Variants in CDH13 observed in about 807,000 individuals in gnomAD.
CDH13 encodes the protein cadherin 13.
A neutral mutation model predicts 63.8 loss-of-function variants in CDH13; 24 were observed. The observed-to-expected ratio is 0.38, with a 90% confidence interval of 0.27 to 0.53. CDH13 has a LOEUF of 0.53. Ranked by LOEUF, CDH13 falls within the 20% of genes least tolerant of loss-of-function variation. CDH13 has a pLI of 0.85. For missense variants in CDH13, 1,049 were observed against 903.1 expected (o/e 1.16, Z -2.07); for synonymous variants, 503 against 355.3 (o/e 1.42, Z -4.67).
At chr16:83,513,205 C>T (rs1202096543) in intron 7 of CDH13, among the ~76,000 whole-genome samples, 1 of 152,062 alleles carries the variant, frequency 6.6e-6, no homozygotes, top group Non-Finnish European at 1.5e-5. Context: ...AGCTTCAAAG[C>T]ATCAAACAAA....
At chr16:83,449,523 C>A (rs1010252601) in intron 6 of CDH13, among the ~76,000 whole-genome samples, 3 of 152,182 alleles carry the variant, frequency 2.0e-5, no homozygotes, top group African/African-American at 4.8e-5. Context: ...CAAATTAATT[C>A]TCTCTTTTAG....
At chr16:83,773,720 G>A (rs545050097) in intron 11 of CDH13, among the ~76,000 whole-genome samples, 1 of 152,214 alleles carries the variant, frequency 6.6e-6, no homozygotes, top group South Asian at 2.1e-4. Flanking sequence ...GGCCCTCTTG[G>A]TCAAGCCTAT....
rs866346393 is a variant in CDH13, at chr16:83,505,549, T to G, written c.960+18894T>G. On this transcript the variant is annotated intron_variant, in intron 7 of 13. Transcript: ENST00000567109. The stretch of plus-strand genomic sequence containing the variant: ...ATTAATCCTTTTTTTTTTTTTTTTT[T>G]TTTTTTTTTTGAGAAGGAGTTTTTG... Among the ~76,000 whole-genome samples, 165 of 148,044 alleles carry G rather than the reference T, an allele frequency of 1.1e-3. 1 individual carries two copies. Among genetic ancestry groups the G allele is most frequent in the Middle Eastern group, 3.4e-3 (1 of 290 alleles).
intron 1 of CDH13, among the ~76,000 whole-genome samples, chr16:82,727,925 C>A (rs553865646): frequency 1.3e-5 from 2 of 152,250 alleles, no homozygotes; most frequent in Admixed American, 1.3e-4. Context: ...GTTCTGGACA[C>A]AGCCCTGTGT....
chr16:83,302,141 T>A (rs79940591), intron 5 of CDH13, among the ~76,000 whole-genome samples: 1 of 152,134 alleles, frequency 6.6e-6, no homozygotes, highest in Non-Finnish European at 1.5e-5. Flanking sequence ...GAGTTCTCAG[T>A]GTAGAGTAAG....
intron 5 of CDH13, among the ~76,000 whole-genome samples, chr16:83,256,605 G>T (rs2151831071): frequency 6.6e-6 from 1 of 150,408 alleles, no homozygotes; most frequent in South Asian, 2.1e-4. Flanking sequence ...GCTGAGGCGG[G>T]CGAATCACGA....
In CDH13 at chr16:83,082,283, G is replaced by C. The variant is rs550750940; in HGVS notation, c.367-43102G>C. Reference sequence around the variant, plus strand: ...TCATTGCATCTCAACAGCCCAAAAAGTCTTAACTCGTTCCAGCATCAATTG... The same window carrying C: ...TCATTGCATCTCAACAGCCCAAAAACTCTTAACTCGTTCCAGCATCAATTG... On this transcript the variant is annotated intron_variant, in intron 3 of 13. Transcript: ENST00000567109. Among the ~76,000 whole-genome samples the C allele has an allele frequency of 5.3e-5, 8 of 152,206 alleles. 1 individual carries two copies. The highest frequency in any genetic ancestry group is 1.2e-4 in the African/African-American group (5 of 41,534).
intron 7 of CDH13, among the ~76,000 whole-genome samples, chr16:83,559,130 A>T (rs1402467765): frequency 6.6e-6 from 1 of 152,248 alleles, no homozygotes; most frequent in Admixed American, 6.5e-5. Flanking sequence ...GGGCAGAGTG[A>T]AGACAGAGAA....
chr16:83,207,258 G>A (rs1350931327), intron 4 of CDH13, among the ~76,000 whole-genome samples: 1 of 152,084 alleles, frequency 6.6e-6, no homozygotes, highest in Non-Finnish European at 1.5e-5. Flanking sequence ...CACTGCCTCT[G>A]GAATCCTCTG....
chr16:83,196,470 A>T (rs2038882913), intron 4 of CDH13, among the ~76,000 whole-genome samples: 1 of 152,196 alleles, frequency 6.6e-6, no homozygotes, highest in Admixed American at 6.5e-5. Context: ...TTGCTATGTG[A>T]AAAATCCTGT....
intron 8 of CDH13, among the ~76,000 whole-genome samples, chr16:83,618,521 G>C (rs79720247): frequency 0.016 from 2,449 of 152,002 alleles, 69 homozygotes; most frequent in African/African-American, 0.056. Context: ...ACAGATCCCA[G>C]ACCAACCTCA....
intron 4 of CDH13, among the ~76,000 whole-genome samples, chr16:83,204,147 C>T (rs114853231): frequency 5.5e-4 from 84 of 152,308 alleles, no homozygotes; most frequent in African/African-American, 1.9e-3. Context: ...CCATCAGTGT[C>T]GGGCTCAATG....
Position 82,701,927 on chromosome 16 carries a change from T to C in CDH13, c.45+74790T>C, listed in dbSNP as rs188802651. ...AGCCACGTGGACTTAGAATACAGGA[T>C]GGGTGGGTGCAGTTTCCCCGAGGAA... On this transcript the variant is annotated intron_variant, in intron 1 of 13. Transcript: ENST00000567109. Among the ~76,000 whole-genome samples the C allele has an allele frequency of 6.3e-3, 954 of 150,400 alleles. 9 individuals are homozygous for C. Among genetic ancestry groups the C allele is most frequent in the Middle Eastern group, 0.017 (5 of 294 alleles).
intron 7 of CDH13, among the ~76,000 whole-genome samples, chr16:83,562,282 T>C (rs1040367673): frequency 6.6e-6 from 1 of 152,118 alleles, no homozygotes; most frequent in East Asian, 1.9e-4. Flanking sequence ...TGTCAGATAA[T>C]AAGAACTTTT....
intron 5 of CDH13, among the ~76,000 whole-genome samples, chr16:83,255,439 A>G (rs1401533075): frequency 2.0e-5 from 3 of 152,198 alleles, no homozygotes; most frequent in African/African-American, 7.2e-5. Flanking sequence ...TAAATGCTGG[A>G]AAATGTCTTC....
intron 6 of CDH13, among the ~76,000 whole-genome samples, chr16:83,418,815 G>A (rs369657878): frequency 2.0e-5 from 3 of 152,300 alleles, no homozygotes; most frequent in South Asian, 2.1e-4. Context: ...TCAACTTGGA[G>A]TACTGAAAGC....
chr16:83,531,717 G>A (rs2075088131), intron 7 of CDH13, among the ~76,000 whole-genome samples: 1 of 152,150 alleles, frequency 6.6e-6, no homozygotes, highest in South Asian at 2.1e-4. Context: ...TCAGTCTCTA[G>A]AAGCAAAAAA....
chr16:82,719,398 C>T lies in CDH13; in HGVS notation c.45+92261C>T, dbSNP rs532229019. The stretch of plus-strand genomic sequence containing the variant: ...TGTGTGCAAGTCCCAGTTCCAGGCC[C>T]TTCCACTGGCTGTCCAATGGCTTGG... On this transcript the variant is annotated intron_variant, in intron 1 of 13. Coordinates refer to ENST00000567109, the MANE Select transcript of CDH13 (RefSeq NM_001257.5). The T allele has an allele frequency of 2.7e-4, 121 of 456,012 alleles. 1 individual carries two copies. Among genetic ancestry groups the T allele is most frequent in the South Asian group, 1.8e-3 (114 of 64,548 alleles). The allele number at this position is 456,012 out of a possible 1,614,324, so 28.2% of individuals were successfully genotyped here.
At chr16:83,196,710 G>A (rs553091449) in intron 4 of CDH13, among the ~76,000 whole-genome samples, 1 of 152,266 alleles carries the variant, frequency 6.6e-6, no homozygotes, top group South Asian at 2.1e-4. Flanking sequence ...TTAGCCATGA[G>A]GGAAATGCAA....
Sources: gnomAD v4.1 joint callset for allele counts (sites outside exome capture counted in the v4.1 genomes callset) on GRCh38, gnomAD v4.1.1 for gene constraint, MANE v1.5 for transcripts, NCBI Gene and HGNC (gene_info 2026-07-23, HGNC 2026-07-21) for gene names.